Variants in USP15 observed in about 807,000 individuals in gnomAD.
USP15 encodes ubiquitin specific peptidase 15, also known as ubiquitin carboxyl-terminal hydrolase 15.
Under a neutral mutation model 127.1 loss-of-function variants are expected in USP15, and 18 were observed. The observed-to-expected ratio is 0.14, with a 90% CI of 0.10 to 0.21. The LOEUF (loss-of-function observed/expected upper bound fraction) is 0.21, where lower values mean the gene tolerates loss of function less well. Ranked by LOEUF, USP15 falls within the 10% of genes least tolerant of loss-of-function variation. The pLI, the probability that USP15 is intolerant of heterozygous loss-of-function variation, is 1.00. For missense variants in USP15, 805 were observed against 1,159.9 expected, an observed-to-expected ratio of 0.69 and a Z score of 4.44; for synonymous variants, 364 against 393.7, an observed-to-expected ratio of 0.92 and a Z score of 0.89.
At chr12:62,396,177 T>C (rs113830515) in intron 19 of USP15, 118 bp from the exon 20 acceptor site, 4 of 517,768 alleles carry the variant, frequency 7.7e-6, no homozygotes, top group African/African-American at 4.0e-5. Flanking sequence ...TAGATAGATA[T>C]ATATAGATGG....
intron 8 of USP15, among the ~76,000 whole-genome samples, chr12:62,365,556 AT>A (rs1357406937): frequency 1.3e-5 from 2 of 152,100 alleles, no homozygotes; most frequent in African/African-American, 2.4e-5. Flanking sequence ...TTTTAGTTTA[AT>A]TAGATCCCAT....
chr12:62,367,965 T>A (rs1254367788), intron 8 of USP15, among the ~76,000 whole-genome samples: 1 of 152,228 alleles, frequency 6.6e-6, no homozygotes, highest in Non-Finnish European at 1.5e-5. Context: ...TAAATTTCCC[T>A]CTACACTGCT....
At chr12:62,294,066 C>T (rs1452027109) in intron 1 of USP15, 113 bp from the exon 2 acceptor site, 1 of 1,124,894 alleles carries the variant, frequency 8.9e-7, no homozygotes. Context: ...TTCAAATATC[C>T]TTTGAAGTAG....
At chr12:62,398,462 T>C (rs913669497) in intron 20 of USP15, among the ~76,000 whole-genome samples, 3 of 152,256 alleles carry the variant, frequency 2.0e-5, no homozygotes, top group African/African-American at 7.2e-5. Flanking sequence ...AGGCTATAAA[T>C]TTCTGCTAAG....
At chr12:62,398,051 G>A (rs975085951) in intron 20 of USP15, among the ~76,000 whole-genome samples, 2 of 150,806 alleles carry the variant, frequency 1.3e-5, no homozygotes, top group African/African-American at 2.4e-5. Flanking sequence ...GAGTGCAGTC[G>A]CATGATATTG....
At chr12:62,265,669 C>T (rs897210387) in intron 1 of USP15, among the ~76,000 whole-genome samples, 8 of 152,208 alleles carry the variant, frequency 5.3e-5, no homozygotes, top group African/African-American at 1.9e-4. Flanking sequence ...GCCTCAGCCT[C>T]TGAAATAGCT....
chr12:62,307,237 G>A (rs538938765), intron 3 of USP15, among the ~76,000 whole-genome samples: 1 of 152,088 alleles, frequency 6.6e-6, no homozygotes, highest in Admixed American at 6.6e-5. Context: ...TAGGAATCAG[G>A]CTGAAAATTT....
At chr12:62,310,274 A>G (rs182403817) in intron 3 of USP15, among the ~76,000 whole-genome samples, 95 of 152,014 alleles carry the variant, frequency 6.2e-4, no homozygotes, top group Middle Eastern at 3.4e-3. Flanking sequence ...CCCAAATTCA[A>G]TACATTTTTG....
intron 6 of USP15, among the ~76,000 whole-genome samples, chr12:62,346,274 C>T (rs1008721): frequency 0.022 from 3,350 of 151,862 alleles, 124 homozygotes; most frequent in African/African-American, 0.075. Context: ...TTATTTTTTT[C>T]AATGTGGATA....
chr12:62,260,710 C>T (rs1159442677), intron 1 of USP15, among the ~76,000 whole-genome samples: 1 of 152,086 alleles, frequency 6.6e-6, no homozygotes, highest in Non-Finnish European at 1.5e-5. Flanking sequence ...CCAGGGCATG[C>T]TGAAAGGTAT....
At chr12:62,398,924 T>C (rs938204572) in intron 20 of USP15, among the ~76,000 whole-genome samples, 4 of 152,206 alleles carry the variant, frequency 2.6e-5, no homozygotes, top group Admixed American at 2.0e-4. Context: ...TATTAATATT[T>C]TGCATAATTA....
chr12:62,335,074 A>C, intron 6 of USP15: 1 of 1,340,166 alleles, frequency 7.5e-7, no homozygotes, highest in Non-Finnish European at 1.0e-6. Context: ...CACCTAGCCC[A>C]AACTGGCCAA....
chr12:62,380,221 A>G (rs577905604), intron 8 of USP15, among the ~76,000 whole-genome samples: 77 of 151,786 alleles, frequency 5.1e-4, no homozygotes, highest in Non-Finnish European at 8.7e-4. Flanking sequence ...ATAATAAATA[A>G]TATTATTTTT....
intron 1 of USP15, among the ~76,000 whole-genome samples, chr12:62,289,697 T>TTGTGTGTGTGTGTGTG (rs71450579): frequency 1.6e-3 from 221 of 135,496 alleles, no homozygotes; most frequent in African/African-American, 3.5e-3. Context: ...GGTTGTTAAT[T>TTGTGTGTGTGTGTGTG]TGTGTGTGTG....
At chr12:62,378,926 AT>A (rs2066909764) in intron 8 of USP15, among the ~76,000 whole-genome samples, 1 of 152,168 alleles carries the variant, frequency 6.6e-6, no homozygotes, top group Non-Finnish European at 1.5e-5. Context: ...GTAAGCATAC[AT>A]TTATTGTGAA....
intron 3 of USP15, among the ~76,000 whole-genome samples, chr12:62,313,565 C>T (rs2064744867): frequency 6.6e-6 from 1 of 151,560 alleles, no homozygotes; most frequent in Admixed American, 6.6e-5. Context: ...TATTTGATTC[C>T]TTGTTTCTCT....
Position 62,407,532 on chromosome 12 carries a change from C to A in USP15, c.*3157C>A, listed in dbSNP as rs759704149. On this transcript the variant is annotated 3_prime_UTR_variant, in exon 22 of 22. Coordinates refer to ENST00000280377, the MANE Select transcript of USP15 (RefSeq NM_001252078.2). Reference sequence around the variant, plus strand: ...TATTCGAGCATTGAATAAGAAAGTACCCACTGGAATATTGACTAACCCATT... The same window carrying A: ...TATTCGAGCATTGAATAAGAAAGTAACCACTGGAATATTGACTAACCCATT... 1 of 152,118 alleles carries A rather than the reference C, an allele frequency of 6.6e-6. No individual in the cohort carries two copies. Among genetic ancestry groups the A allele is most frequent in the Non-Finnish European group, 1.5e-5 (1 of 68,010 alleles). 9.4% of individuals were successfully genotyped at this position (152,118 alleles called of 1,614,324 possible). A position where few individuals can be genotyped will look rare whatever the true frequency, so the allele number is the denominator to read the frequency against.
At chr12:62,279,119 C>G (rs2063577196) in intron 1 of USP15, 1 of 152,108 alleles carries the variant, frequency 6.6e-6, no homozygotes, top group African/African-American at 2.4e-5. Context: ...TTTTGCATAA[C>G]TGAAACTTTA....
intron 1 of USP15, among the ~76,000 whole-genome samples, chr12:62,262,745 A>T (rs1349403278): frequency 6.6e-6 from 1 of 152,160 alleles, no homozygotes; most frequent in Admixed American, 6.5e-5. Context: ...GCTTCAAGTG[A>T]TCCACCTCAG....
Sources: allele counts gnomAD v4.1 joint callset (sites outside exome capture counted in the v4.1 genomes callset), GRCh38; gene constraint gnomAD v4.1.1; transcripts MANE v1.5; gene names NCBI Gene and HGNC (gene_info 2026-07-23, HGNC 2026-07-21).